SIPA1L1: variants seen among roughly 807,000 people sequenced by gnomAD.
SIPA1L1 encodes signal-induced proliferation-associated 1-like protein 1.
Under a neutral mutation model 162.7 loss-of-function variants are expected in SIPA1L1, and 26 were observed. The ratio of observed to expected loss-of-function variants is 0.16; its 90% CI spans 0.12 to 0.22. The LOEUF (loss-of-function observed/expected upper bound fraction) is 0.22. Ranked by LOEUF, SIPA1L1 falls within the 10% of genes least tolerant of loss-of-function variation. The probability of loss-of-function intolerance (pLI) is 1.00; values close to 1 mark genes in which losing one functional copy is unlikely to be tolerated. For synonymous variants in SIPA1L1, 829 were observed against 837.4 expected (o/e 0.99, Z 0.17); for missense variants, 1,874 against 2,241.0 (o/e 0.84, Z 3.31).
At chr14:71,630,351 T>C (rs1258743993) in intron 7 of SIPA1L1, among the ~76,000 whole-genome samples, 10 of 152,138 alleles carry the variant, frequency 6.6e-5, no homozygotes, top group African/African-American at 2.4e-4. Context: ...TGAGGCTGGA[T>C]TGGATGACAG....
chr14:71,401,992 G>A (rs1478797142), intron 2 of SIPA1L1, among the ~76,000 whole-genome samples: 2 of 152,068 alleles, frequency 1.3e-5, no homozygotes, highest in African/African-American at 4.8e-5. Flanking sequence ...AATATAAGGT[G>A]GAGGCTGCAT....
intron 4 of SIPA1L1, among the ~76,000 whole-genome samples, chr14:71,563,067 T>G (rs373576814): frequency 6.6e-6 from 1 of 152,228 alleles, no homozygotes; most frequent in East Asian, 1.9e-4. Context: ...TTTTGTCAGT[T>G]TGACCAGTGC....
chr14:71,423,652 T>C (rs2043352528), intron 2 of SIPA1L1, among the ~76,000 whole-genome samples: 1 of 152,170 alleles, frequency 6.6e-6, no homozygotes, highest in Non-Finnish European at 1.5e-5. Flanking sequence ...GGCTCTGTAT[T>C]CTATTCCATT....
At chr14:71,466,580 G>GAA (rs201849523) in intron 2 of SIPA1L1, among the ~76,000 whole-genome samples, 32 of 118,106 alleles carry the variant, frequency 2.7e-4, no homozygotes, top group East Asian at 6.7e-4. Flanking sequence ...GAGCCATACT[G>GAA]AAAAAAAAAA....
At chr14:71,368,194 TACATGTGCAC>T (rs2038542290) in intron 2 of SIPA1L1, among the ~76,000 whole-genome samples, 1 of 143,808 alleles carries the variant, frequency 7.0e-6, no homozygotes, top group African/African-American at 2.6e-5. Flanking sequence ...AGTTTTAGGG[TACATGTGCAC>T]ATTGTGCAGG....
In SIPA1L1 at chr14:71,661,609, T is replaced by A. The variant is rs546243536; in HGVS notation, c.2255+142T>A. On this transcript the variant is annotated intron_variant, in intron 10 of 23. Coordinates refer to ENST00000381232, the MANE Select transcript of SIPA1L1 (RefSeq NM_001386936.1). The stretch of plus-strand genomic sequence containing the variant: ...TCTTTAAACCATGCATGCGGATGGC[T>A]GAATTCACATGATGATGTAATCTGG... 4 of 815,978 alleles carry A rather than the reference T, an allele frequency of 4.9e-6. No homozygotes were observed. The African/African-American group carries it at 5.2e-5, about 11-fold the overall frequency. The allele number at this position is 815,978 out of a possible 1,614,324, so 50.5% of individuals were successfully genotyped here.
At chr14:71,431,132 C>G (rs2043956854) in intron 2 of SIPA1L1, among the ~76,000 whole-genome samples, 2 of 152,138 alleles carry the variant, frequency 1.3e-5, no homozygotes, top group South Asian at 4.1e-4. Context: ...ATGTTAACTC[C>G]TACTCACAGA....
intron 17 of SIPA1L1, among the ~76,000 whole-genome samples, chr14:71,711,907 G>A (rs2082901515): frequency 6.6e-6 from 1 of 152,176 alleles, no homozygotes; most frequent in Non-Finnish European, 1.5e-5. Context: ...ACTCATTTGA[G>A]TCACATTCAT....
chr14:71,598,283 A>C, intron 5 of SIPA1L1: 1 of 933,184 alleles, frequency 1.1e-6, no homozygotes, highest in Non-Finnish European at 1.3e-6. Context: ...TCAGTGAATG[A>C]CTGTTTCAGG....
chr14:71,351,644 T>C (rs2036720562), intron 2 of SIPA1L1, among the ~76,000 whole-genome samples: 1 of 152,176 alleles, frequency 6.6e-6, no homozygotes, highest in Admixed American at 6.5e-5. Context: ...CAGAACCTGA[T>C]CTGGAACTTG....
intron 15 of SIPA1L1, among the ~76,000 whole-genome samples, chr14:71,702,751 A>C (rs2082179191): frequency 6.6e-6 from 1 of 152,224 alleles, no homozygotes; most frequent in Admixed American, 6.5e-5. Context: ...ACCTAGATTA[A>C]AACACCAGAC....
At chr14:71,684,735 C>T (rs1206544734) in intron 12 of SIPA1L1, among the ~76,000 whole-genome samples, 1 of 151,972 alleles carries the variant, frequency 6.6e-6, no homozygotes, top group East Asian at 1.9e-4. Flanking sequence ...TCTTTTGGAG[C>T]CCAGTCAAGA....
chr14:71,457,447 T>C (rs1312705082), intron 2 of SIPA1L1, among the ~76,000 whole-genome samples: 1 of 151,508 alleles, frequency 6.6e-6, no homozygotes, highest in Non-Finnish European at 1.5e-5. Context: ...TACAGGCACA[T>C]GTCACCACTC....
rs112476853 is a variant in SIPA1L1 at position 71,641,389 on chromosome 14, C to T, written c.1819-8946C>T. On this transcript the variant is annotated intron_variant, in intron 7 of 23. Coordinates refer to ENST00000381232, the MANE Select transcript of SIPA1L1 (RefSeq NM_001386936.1). ...CAGATGGAAAAATACCTTTAAAGAA[C>T]AACAAGACTGTTAAACATTTGCTGG... is the stretch of plus-strand genomic sequence containing the variant. Among the ~76,000 whole-genome samples the T allele has an allele frequency of 1.5e-3, 231 of 151,050 alleles. 1 individual carries two copies. The highest frequency in any genetic ancestry group is 3.4e-3 in the Middle Eastern group (1 of 292).
At chr14:71,665,007 C>G (rs17093909) in intron 10 of SIPA1L1, among the ~76,000 whole-genome samples, 4,201 of 152,184 alleles carry the variant, frequency 0.028, 200 homozygotes, top group African/African-American at 0.097. Context: ...AATAAAAAGG[C>G]CTACTAATGC....
chr14:71,729,368 TC>T (rs1346441231), intron 19 of SIPA1L1, among the ~76,000 whole-genome samples: 6 of 152,162 alleles, frequency 3.9e-5, no homozygotes, highest in Non-Finnish European at 1.5e-5. Context: ...TAGAAATGCA[TC>T]TTCAAAAAAT....
intron 10 of SIPA1L1, among the ~76,000 whole-genome samples, chr14:71,665,269 A>G (rs1046034303): frequency 3.3e-5 from 5 of 152,210 alleles, no homozygotes; most frequent in Non-Finnish European, 2.9e-5. Flanking sequence ...AAATCCCTAT[A>G]GTGGATCTAG....
intron 14 of SIPA1L1, among the ~76,000 whole-genome samples, chr14:71,699,791 C>G (rs1321664654): frequency 6.6e-6 from 1 of 152,154 alleles, no homozygotes; most frequent in Admixed American, 6.5e-5. Flanking sequence ...GGGTCCAGCC[C>G]ATTTTGAGGA....
chr14:71,411,409 A>T (rs1408368960), intron 2 of SIPA1L1, among the ~76,000 whole-genome samples: 1 of 152,040 alleles, frequency 6.6e-6, no homozygotes, highest in Non-Finnish European at 1.5e-5. Context: ...TCTCTTAGCC[A>T]TTGATAGATA....
Sources: gnomAD v4.1 joint callset for allele counts (sites outside exome capture counted in the v4.1 genomes callset) on GRCh38, gnomAD v4.1.1 for gene constraint, MANE v1.5 for transcripts, NCBI Gene and HGNC (gene_info 2026-07-23, HGNC 2026-07-21) for gene names.